GRM5: variants seen among roughly 807,000 people sequenced by gnomAD.
GRM5 encodes metabotropic glutamate receptor 5.
GRM5 carries 19 observed loss-of-function variants against 83.1 expected under a neutral mutation model. The ratio of observed to expected loss-of-function variants is 0.23; its 90% CI spans 0.16 to 0.34. The LOEUF (loss-of-function observed/expected upper bound fraction) is 0.34, where lower values mean the gene tolerates loss of function less well. Among genes scored for constraint, GRM5 ranks in the 10% least tolerant of loss-of-function variants. The probability of loss-of-function intolerance (pLI) is 1.00; values close to 1 mark genes in which losing one functional copy is unlikely to be tolerated. For synonymous variants in GRM5, 675 were observed against 633.6 expected, an observed-to-expected ratio of 1.07 and a Z score of -0.98; for missense variants, 1,160 against 1,588.3, an observed-to-expected ratio of 0.73 and a Z score of 4.58.
intron 2 of GRM5, among the ~76,000 whole-genome samples, chr11:88,909,909 T>C (rs584552): frequency 1.3e-5 from 2 of 151,902 alleles, no homozygotes; most frequent in Admixed American, 1.3e-4. Context: ...TATACTTTTT[T>C]AAATTATGGT....
intron 2 of GRM5, among the ~76,000 whole-genome samples, chr11:88,987,743 G>A (rs900879495): frequency 2.6e-5 from 4 of 151,848 alleles, no homozygotes; most frequent in African/African-American, 7.3e-5. Context: ...CCCCCCAGCA[G>A]GGGCACACTG....
At chr11:88,601,701 G>A (rs1938003636) in intron 5 of GRM5, among the ~76,000 whole-genome samples, 2 of 152,110 alleles carry the variant, frequency 1.3e-5, no homozygotes, top group African/African-American at 4.8e-5. Flanking sequence ...AACATTGGGT[G>A]TCCACGTTTC....
In GRM5 at chr11:88,582,162, T is replaced by A. The variant is rs897962775; in HGVS notation, c.1690+8439A>T. ...GAAATTGCCTCTTTATTTGCATATG[T>A]CTCTGCCTAGGCTCTGCGATACTTG... On this transcript the variant is annotated intron_variant, in intron 7 of 9. Coordinates refer to ENST00000305447, the MANE Select transcript of GRM5 (RefSeq NM_001143831.3). Among the ~76,000 whole-genome samples, 4 of 152,200 alleles carry A rather than the reference T, an allele frequency of 2.6e-5. No homozygotes were observed. The East Asian group carries it at 5.8e-4, about 22-fold the overall frequency.
intron 8 of GRM5, among the ~76,000 whole-genome samples, chr11:88,552,884 C>G (rs373208811): frequency 1.3e-5 from 2 of 152,160 alleles, no homozygotes; most frequent in African/African-American, 4.8e-5. Context: ...AAACAAAAGC[C>G]TCTAAAAATT....
At chr11:88,606,099 A>T (rs890429577) in intron 4 of GRM5, among the ~76,000 whole-genome samples, 1 of 152,174 alleles carries the variant, frequency 6.6e-6, no homozygotes, top group Non-Finnish European at 1.5e-5. Context: ...GAAGAATAAC[A>T]GATAAGATAG....
At chr11:89,054,732 T>A (rs1474753671) in intron 1 of GRM5, among the ~76,000 whole-genome samples, 1 of 152,096 alleles carries the variant, frequency 6.6e-6, no homozygotes, top group Non-Finnish European at 1.5e-5. Context: ...AGAGAAGCAG[T>A]AAAATGTGAA....
chr11:88,916,366 G>C (rs1277301420), intron 2 of GRM5, among the ~76,000 whole-genome samples: 1 of 152,068 alleles, frequency 6.6e-6, no homozygotes, highest in East Asian at 1.9e-4. Context: ...GAAGGAGAGT[G>C]CATTGATTTT....
intron 2 of GRM5, among the ~76,000 whole-genome samples, chr11:88,949,782 C>T (rs774280110): frequency 7.2e-5 from 11 of 152,222 alleles, no homozygotes; most frequent in Non-Finnish European, 1.5e-4. Flanking sequence ...TTATTCAATA[C>T]CCATACTATA....
chr11:88,544,830 G>A (rs1158183758), intron 8 of GRM5, among the ~76,000 whole-genome samples: 15 of 152,312 alleles, frequency 9.8e-5, no homozygotes, highest in African/African-American at 3.4e-4. Context: ...GGGTCTCAGT[G>A]CTCTTGGTAC....
intron 2 of GRM5, among the ~76,000 whole-genome samples, chr11:88,977,710 T>G (rs1322078713): frequency 6.6e-6 from 1 of 152,214 alleles, no homozygotes; most frequent in African/African-American, 2.4e-5. Context: ...AAGATTTTAA[T>G]TCAAGATTTC....
chr11:88,952,489 T>C (rs976298926), intron 2 of GRM5, among the ~76,000 whole-genome samples: 1 of 152,144 alleles, frequency 6.6e-6, no homozygotes, highest in South Asian at 2.1e-4. Flanking sequence ...ATGCATTCAA[T>C]GAGTATTGGT....
chr11:88,774,908 TTTG>T (rs1942816147), intron 3 of GRM5, among the ~76,000 whole-genome samples: 2 of 152,202 alleles, frequency 1.3e-5, no homozygotes, highest in African/African-American at 4.8e-5. Context: ...AAAATTCTCT[TTTG>T]TTGTTGTGTC....
chr11:88,623,770 T>G (rs1379085011), intron 4 of GRM5, among the ~76,000 whole-genome samples: 1 of 152,186 alleles, frequency 6.6e-6, no homozygotes, highest in Non-Finnish European at 1.5e-5. Flanking sequence ...CTGGCCAAAT[T>G]GCTAAAAGCA....
intron 2 of GRM5, among the ~76,000 whole-genome samples, chr11:88,930,465 A>T (rs1174381400): frequency 6.6e-6 from 1 of 152,102 alleles, no homozygotes; most frequent in Non-Finnish European, 1.5e-5. Flanking sequence ...TATTCAAGGA[A>T]AAAAGGAAAG....
chr11:88,784,366 G>A (rs886149610), intron 3 of GRM5, among the ~76,000 whole-genome samples: 1 of 152,032 alleles, frequency 6.6e-6, no homozygotes, highest in East Asian at 1.9e-4. Context: ...GCCCACCATA[G>A]GAATAACTGA....
intron 3 of GRM5, among the ~76,000 whole-genome samples, chr11:88,682,811 T>C (rs1308416609): frequency 2.0e-5 from 3 of 152,090 alleles, no homozygotes; most frequent in Admixed American, 6.6e-5. Flanking sequence ...ATATGGACTT[T>C]TTCCCTCCTT....
intron 7 of GRM5, among the ~76,000 whole-genome samples, chr11:88,582,029 T>C (rs1319492723): frequency 6.6e-6 from 1 of 152,200 alleles, no homozygotes; most frequent in Non-Finnish European, 1.5e-5. Flanking sequence ...TCCTAGCACT[T>C]TCTTTCCTTC....
At chr11:88,782,304 C>G (rs552612086) in intron 3 of GRM5, among the ~76,000 whole-genome samples, 3 of 152,120 alleles carry the variant, frequency 2.0e-5, no homozygotes, top group Non-Finnish European at 2.9e-5. Context: ...TACAGTTCCA[C>G]GTGTCTAGGG....
At chr11:88,757,007 A>G (rs565962845) in intron 3 of GRM5, among the ~76,000 whole-genome samples, 1 of 152,274 alleles carries the variant, frequency 6.6e-6, no homozygotes, top group African/African-American at 2.4e-5. Flanking sequence ...CTTTTTAAAG[A>G]CAAACACAAA....
Sources: allele counts gnomAD v4.1 joint callset (sites outside exome capture counted in the v4.1 genomes callset), GRCh38; gene constraint gnomAD v4.1.1; transcripts MANE v1.5; gene names NCBI Gene and HGNC (gene_info 2026-07-23, HGNC 2026-07-21).